Variants in TDRD9 observed in about 807,000 individuals in gnomAD.
TDRD9 encodes the protein ATP-dependent RNA helicase TDRD9.
In TDRD9, 124 loss-of-function variants were observed where a neutral mutation model predicts 172.6. That is an observed-to-expected ratio of 0.72 (90% CI 0.62 to 0.83). The LOEUF (loss-of-function observed/expected upper bound fraction) is 0.83, where lower values mean the gene tolerates loss of function less well. Among genes scored for constraint, TDRD9 ranks in the 40% least tolerant of loss-of-function variants. The pLI, the probability that TDRD9 is intolerant of heterozygous loss-of-function variation, is 0.00. For synonymous variants in TDRD9, 619 were observed against 617.1 expected (o/e 1.00, Z -0.05); for missense variants, 1,479 against 1,714.1 (o/e 0.86, Z 2.42).
At chr14:103,957,957 G>T (rs1477717542) in intron 2 of TDRD9, among the ~76,000 whole-genome samples, 1 of 152,076 alleles carries the variant, frequency 6.6e-6, no homozygotes, top group Non-Finnish European at 1.5e-5. Flanking sequence ...AATATATTTG[G>T]GGCTTTTCTC....
chr14:103,952,874 G>A (rs1175956242), intron 1 of TDRD9, among the ~76,000 whole-genome samples: 1 of 151,010 alleles, frequency 6.6e-6, no homozygotes, highest in East Asian at 1.9e-4. Flanking sequence ...CGAGTAGCTG[G>A]GATTACAGGT....
chr14:103,956,069 A>G (rs2032178969), intron 2 of TDRD9, among the ~76,000 whole-genome samples: 1 of 114,306 alleles, frequency 8.7e-6, no homozygotes, highest in African/African-American at 3.7e-5. Flanking sequence ...ACATACGGAG[A>G]CCCTCTCTTT....
chr14:104,035,556 G>A (rs1030010002), intron 32 of TDRD9, among the ~76,000 whole-genome samples: 4 of 152,218 alleles, frequency 2.6e-5, no homozygotes, highest in Non-Finnish European at 5.9e-5. Flanking sequence ...AGTGTGTGAT[G>A]CCATGAGCAG....
intron 22 of TDRD9, among the ~76,000 whole-genome samples, chr14:104,016,976 G>A (rs1319712497): frequency 6.6e-6 from 1 of 152,190 alleles, no homozygotes; most frequent in African/African-American, 2.4e-5. Context: ...CTCTGGAGAT[G>A]AGAGAGGCAG....
chr14:103,942,353 AT>A (rs1420962554), intron 1 of TDRD9: 2 of 152,256 alleles, frequency 1.3e-5, no homozygotes, highest in Non-Finnish European at 2.9e-5. Context: ...ATAACTGACT[AT>A]TTAATCTTCA....
chr14:104,017,833 A>G (rs759782815), intron 22 of TDRD9, among the ~76,000 whole-genome samples: 12 of 152,242 alleles, frequency 7.9e-5, no homozygotes, highest in Non-Finnish European at 1.3e-4. Context: ...AAGTAAACAA[A>G]TCTTAATTTT....
chr14:104,034,131 C>T, intron 31 of TDRD9, 62 bp downstream of exon 31: 1 of 906,370 alleles, frequency 1.1e-6, no homozygotes, highest in South Asian at 1.4e-5. Flanking sequence ...ACTTCAGCTA[C>T]TAGGAACAAC....
chr14:104,044,017 T>A (rs2035688820), intron 34 of TDRD9, among the ~76,000 whole-genome samples: 1 of 152,162 alleles, frequency 6.6e-6, no homozygotes, highest in Admixed American at 6.5e-5. Flanking sequence ...TGCTTAAGCC[T>A]GTGTGTCATA....
intron 20 of TDRD9, among the ~76,000 whole-genome samples, chr14:104,012,995 C>T (rs780445755): frequency 1.3e-4 from 20 of 152,174 alleles, no homozygotes; most frequent in Non-Finnish European, 2.8e-4. Context: ...AGTTCACTTA[C>T]ATGTGATTAC....
intron 21 of TDRD9, 116 bp from the exon 22 acceptor site, chr14:104,015,865 G>A (rs2034774889): frequency 7.2e-6 from 5 of 692,630 alleles, no homozygotes; most frequent in Admixed American, 6.1e-5. Context: ...CCATACAAAC[G>A]ATAACCATCT....
rs112641087 is a variant in TDRD9, at chr14:103,930,222, T to C, written c.215+1498T>C. Among the ~76,000 whole-genome samples, 1,489 of 152,124 alleles carry C rather than the reference T, an allele frequency of 9.8e-3. 31 individuals are homozygous for C. The highest frequency in any genetic ancestry group is 0.034 in the African/African-American group (1,401 of 41,510). On this transcript the variant is annotated intron_variant, in intron 1 of 35. Transcript: ENST00000409874. ...TTTTTTTGAGACATAGTTTCGCTCT[T>C]GTTGCCCAGGCTGGAGTGCAGTGGC...
intron 14 of TDRD9, chr14:104,005,030 C>G: frequency 3.2e-6 from 1 of 311,812 alleles, no homozygotes; most frequent in Non-Finnish European, 5.8e-6. Flanking sequence ...ACTTTTCAGT[C>G]CCTCTTTTCC....
intron 1 of TDRD9, among the ~76,000 whole-genome samples, chr14:103,952,838 A>G (rs1034169333): frequency 7.1e-6 from 1 of 140,352 alleles, no homozygotes; most frequent in Non-Finnish European, 1.5e-5. Flanking sequence ...TCTAGGTTTC[A>G]GGCAAATTCT....
intron 32 of TDRD9, among the ~76,000 whole-genome samples, chr14:104,036,049 T>C (rs2035442917): frequency 6.6e-6 from 1 of 152,110 alleles, no homozygotes; most frequent in African/African-American, 2.4e-5. Context: ...AAAAGCTGAA[T>C]GGGAAAAATT....
rs35458222 is a variant in TDRD9 at position 104,036,662 on chromosome 14, G to A, written c.3716+1606G>A. Among the ~76,000 whole-genome samples, 8 of 152,296 alleles carry A rather than the reference G, an allele frequency of 5.3e-5. No individual in the cohort carries two copies. The East Asian group carries it at 1.5e-3, about 29-fold the overall frequency. ...CACAACTCCAGAGTGCAAGCGTTTAGGTTGTAGACATTCAAGAAATACTGA... is the reference window on the plus strand; with the variant it reads ...CACAACTCCAGAGTGCAAGCGTTTAAGTTGTAGACATTCAAGAAATACTGA... On this transcript the variant is annotated intron_variant, in intron 32 of 35. Coordinates refer to ENST00000409874, the MANE Select transcript of TDRD9 (RefSeq NM_153046.3).
At chr14:104,014,285 CT>C (rs977891365) in intron 20 of TDRD9, among the ~76,000 whole-genome samples, 69 of 141,190 alleles carry the variant, frequency 4.9e-4, no homozygotes, top group Admixed American at 5.0e-4. Flanking sequence ...GAGATTATTT[CT>C]TTTTTTTTTT....
At chr14:103,965,645 A>C in intron 4 of TDRD9, 91 bp downstream of exon 4, 1 of 1,165,454 alleles carries the variant, frequency 8.6e-7, no homozygotes, top group Non-Finnish European at 1.2e-6. Flanking sequence ...AGTTGATAGT[A>C]TGTGACCATT....
intron 1 of TDRD9, among the ~76,000 whole-genome samples, chr14:103,943,161 C>T (rs539356000): frequency 1.5e-4 from 23 of 151,252 alleles, no homozygotes; most frequent in Non-Finnish European, 2.5e-4. Context: ...GACAGAGTCA[C>T]GTTGTGTCAC....
chr14:104,037,425 G>A (rs1375089236), intron 32 of TDRD9, among the ~76,000 whole-genome samples: 1 of 152,304 alleles, frequency 6.6e-6, no homozygotes, highest in East Asian at 1.9e-4. Context: ...CAGTCTCTGG[G>A]TAAAGTCTGT....
Sources: allele counts gnomAD v4.1 joint callset (sites outside exome capture counted in the v4.1 genomes callset), GRCh38; gene constraint gnomAD v4.1.1; transcripts MANE v1.5; gene names NCBI Gene and HGNC (gene_info 2026-07-23, HGNC 2026-07-21).